Variants in SH3BGRL observed in about 807,000 individuals in gnomAD.
The protein encoded by SH3BGRL is SH3 domain binding glutamate rich protein like.
SH3BGRL carries 7 observed loss-of-function variants against 9.8 expected under a neutral mutation model. That is an observed-to-expected ratio of 0.72 (90% CI 0.41 to 1.35). SH3BGRL has a LOEUF of 1.35. Ranked by LOEUF, SH3BGRL falls within the 40% of genes most tolerant of loss-of-function variation. The pLI is 0.01. For missense variants in SH3BGRL, 73 were observed against 84.4 expected, an observed-to-expected ratio of 0.86 and a Z score of 0.53; for synonymous variants, 36 against 29.1, an observed-to-expected ratio of 1.24 and a Z score of -0.76.
chrX:81,294,003 A>G (rs1407586604), intron 3 of SH3BGRL, among the ~76,000 whole-genome samples: 2 of 111,492 alleles, frequency 1.8e-5, no homozygotes, highest in African/African-American at 3.3e-5. Context: ...GGTATCTGGT[A>G]GAAGAAATTT....
At chrX:81,295,529 C>T (rs983647670) in intron 3 of SH3BGRL, among the ~76,000 whole-genome samples, 6 of 111,436 alleles carry the variant, frequency 5.4e-5, no homozygotes, top group African/African-American at 1.6e-4. Context: ...TTTTCTCCCT[C>T]GTCTTGGGTA....
intron 1 of SH3BGRL, among the ~76,000 whole-genome samples, chrX:81,260,118 C>T (rs1310751538): frequency 8.9e-6 from 1 of 111,732 alleles, no homozygotes; most frequent in Non-Finnish European, 1.9e-5. Flanking sequence ...TTAGGCCAAA[C>T]TTTAGAATTA....
intron 1 of SH3BGRL, among the ~76,000 whole-genome samples, chrX:81,212,484 G>A: frequency 9.0e-6 from 1 of 111,223 alleles, no homozygotes; most frequent in Non-Finnish European, 1.9e-5. Context: ...TGAAAGGCAA[G>A]TAAAAAATAT....
chrX:81,293,872 T>C (rs760027455), intron 3 of SH3BGRL, among the ~76,000 whole-genome samples: 8 of 111,882 alleles, frequency 7.2e-5, no homozygotes, highest in Non-Finnish European at 1.5e-4. Context: ...CAGATAGAGA[T>C]GAAGAACTTG....
At position 81,263,745 on chromosome X, in the gene SH3BGRL, A is replaced by ATT. The variant is rs796332219; in HGVS notation, c.46-13230_46-13229dup. Among the ~76,000 whole-genome samples, 4 of 107,511 alleles carry ATT rather than the reference A, an allele frequency of 3.7e-5. No homozygotes were observed. In the South Asian group the frequency reaches 1.2e-3, roughly 33 times the overall value. 93.4% of individuals were successfully genotyped at this position (107,511 alleles called of 115,157 possible). A position where few individuals can be genotyped will look rare whatever the true frequency, so the allele number is the denominator to read the frequency against. On this transcript the variant is annotated intron_variant, in intron 1 of 3. Transcript: ENST00000373212. ...TTGCTCTTTAAAAAGTTCGTTGGGC[A>ATT]TTTTTTTTTTAAAGTGATGGGTGCA...
intron 1 of SH3BGRL, among the ~76,000 whole-genome samples, chrX:81,204,087 T>C (rs1355117280): frequency 9.0e-6 from 1 of 111,649 alleles, no homozygotes; most frequent in Non-Finnish European, 1.9e-5. Context: ...CCATCTTTGT[T>C]GGACTTTATT....
intron 3 of SH3BGRL, among the ~76,000 whole-genome samples, chrX:81,286,442 C>A (rs1602629287): frequency 1.0e-5 from 1 of 95,270 alleles, no homozygotes; most frequent in Admixed American, 1.3e-4. Flanking sequence ...TACTACATCT[C>A]CAAGAGAGAC....
chrX:81,234,490 A>G (rs1362825891), intron 1 of SH3BGRL, among the ~76,000 whole-genome samples: 1 of 112,153 alleles, frequency 8.9e-6, no homozygotes, highest in Non-Finnish European at 1.9e-5. Flanking sequence ...ATTGTTAATT[A>G]CATTTCTTTA....
At chrX:81,293,778 T>C (rs958438013) in intron 3 of SH3BGRL, among the ~76,000 whole-genome samples, 2 of 112,178 alleles carry the variant, frequency 1.8e-5, no homozygotes, top group African/African-American at 6.5e-5. Flanking sequence ...TGGGAAAGTT[T>C]GGAACTTCCT....
intron 1 of SH3BGRL, among the ~76,000 whole-genome samples, chrX:81,226,696 A>C (rs1304385279): frequency 1.8e-5 from 2 of 108,484 alleles, no homozygotes; most frequent in African/African-American, 6.7e-5. Context: ...GCAGAGGGAA[A>C]ATTTTTGACA....
rs1270414578 is a variant in SH3BGRL, at chrX:81,219,673, A to G, written c.45+17428A>G. ...TAGTAGTATGTTGAATAACAGTGGT[A>G]AAAGTGGACATCTTTGTCGTGTACC... On this transcript the variant is annotated intron_variant, in intron 1 of 3. Transcript: ENST00000373212. 1.2e-4 allele frequency among the ~76,000 whole-genome samples: 13 copies of G among 111,526 alleles called. No homozygotes were observed. The Admixed American group carries it at 1.2e-3, about 11-fold the overall frequency.
At chrX:81,278,263 G>T (rs2075804658) in intron 2 of SH3BGRL, 68 bp from the exon 3 acceptor site, 1 of 835,161 alleles carries the variant, frequency 1.2e-6, no homozygotes, top group Non-Finnish European at 1.7e-6. Flanking sequence ...GCTTTCGGCT[G>T]AATAAATTTC....
At chrX:81,236,167 G>T (rs1248297299) in intron 1 of SH3BGRL, among the ~76,000 whole-genome samples, 1 of 111,478 alleles carries the variant, frequency 9.0e-6, no homozygotes, top group Non-Finnish European at 1.9e-5. Flanking sequence ...ATACTTCTTT[G>T]TACCCCAGTG....
rs191696839 is a variant in SH3BGRL at position 81,268,063 on chromosome X, C to T, written c.46-8921C>T. Among the ~76,000 whole-genome samples the T allele has an allele frequency of 6.3e-5, 7 of 111,614 alleles. No homozygotes were observed. In the East Asian group the frequency reaches 2.0e-3, roughly 32 times the overall value. On this transcript the variant is annotated intron_variant, in intron 1 of 3. Transcript: ENST00000373212. ...ATTTCTGTGGGATTGGTGGTAAATC[C>T]TCATCATCCTTTTTTATTGCATCTA...
At position 81,205,486 on chromosome X, in the gene SH3BGRL, A is replaced by ATG. The variant is rs1227518163; in HGVS notation, c.45+3259_45+3260dup. ...TGTATATATAAGTGTGTGTATATATATGTGTGTGTGTGTGTGTGTATATAT... is the reference window on the plus strand; with the variant it reads ...TGTATATATAAGTGTGTGTATATATATGTGTGTGTGTGTGTGTGTGTATATAT... On this transcript the variant is annotated intron_variant, in intron 1 of 3. Transcript: ENST00000373212. Among the ~76,000 whole-genome samples the ATG allele has an allele frequency of 2.9e-3, 261 of 90,488 alleles. 1 individual carries two copies. Among genetic ancestry groups the ATG allele is most frequent in the East Asian group, 8.6e-3 (20 of 2,316 alleles). The allele number at this position is 90,488 out of a possible 115,157, so 78.6% of individuals were successfully genotyped here. A position where few individuals can be genotyped will look rare whatever the true frequency, so the allele number is the denominator to read the frequency against.
intron 1 of SH3BGRL, among the ~76,000 whole-genome samples, chrX:81,250,327 G>A (rs1449838132): frequency 2.8e-5 from 3 of 108,529 alleles, no homozygotes; most frequent in Non-Finnish European, 3.8e-5. Flanking sequence ...TTGAACCCGG[G>A]AGGCAGAGGT....
intron 1 of SH3BGRL, among the ~76,000 whole-genome samples, chrX:81,248,191 T>C (rs2075695932): frequency 9.0e-6 from 1 of 111,542 alleles, no homozygotes; most frequent in Non-Finnish European, 1.9e-5. Flanking sequence ...TTGAATCTTA[T>C]GTCTTTTTGT....
chrX:81,271,234 C>T (rs1251083125), intron 1 of SH3BGRL, among the ~76,000 whole-genome samples: 1 of 112,268 alleles, frequency 8.9e-6, no homozygotes, highest in Non-Finnish European at 1.9e-5. Context: ...TCTGCTTTGG[C>T]TTGCCCTCTG....
At chrX:81,260,213 A>G (rs2074264245) in intron 1 of SH3BGRL, among the ~76,000 whole-genome samples, 1 of 111,659 alleles carries the variant, frequency 9.0e-6, no homozygotes, top group Non-Finnish European at 1.9e-5. Flanking sequence ...GCATGAGACA[A>G]CATACATTGT....
Sources: allele counts gnomAD v4.1 joint callset (sites outside exome capture counted in the v4.1 genomes callset), GRCh38; gene constraint gnomAD v4.1.1; transcripts MANE v1.5; gene names NCBI Gene and HGNC (gene_info 2026-07-23, HGNC 2026-07-21).